SH3RF3: variants seen among roughly 807,000 people sequenced by gnomAD.
SH3RF3 encodes SH3 domain containing ring finger 3, also known as E3 ubiquitin-protein ligase SH3RF3.
In SH3RF3, 29 loss-of-function variants were observed where a neutral mutation model predicts 66.3. The observed-to-expected ratio is 0.44, with a 90% confidence interval of 0.33 to 0.60. The LOEUF (loss-of-function observed/expected upper bound fraction) is 0.60, where lower values mean the gene tolerates loss of function less well. SH3RF3 is among the 20% of genes least tolerant of loss of function. The probability of loss-of-function intolerance (pLI) is 0.04; values close to 1 mark genes in which losing one functional copy is unlikely to be tolerated. For synonymous variants in SH3RF3, 583 were observed against 532.0 expected (o/e 1.10, Z -1.32); for missense variants, 1,194 against 1,190.9 (o/e 1.00, Z -0.04).
At chr2:109,459,952 C>A (rs1161775475) in intron 8 of SH3RF3, among the ~76,000 whole-genome samples, 2 of 152,184 alleles carry the variant, frequency 1.3e-5, no homozygotes, top group Admixed American at 6.5e-5. Context: ...TCAGAGCATA[C>A]CCAGCCTTCT....
intron 6 of SH3RF3, among the ~76,000 whole-genome samples, chr2:109,435,559 G>A (rs1465957639): frequency 6.6e-6 from 1 of 152,186 alleles, no homozygotes; most frequent in African/African-American, 2.4e-5. Context: ...AAAACCTGGT[G>A]TGGGAGCAGG....
intron 1 of SH3RF3, among the ~76,000 whole-genome samples, chr2:109,197,004 C>T (rs1164189381): frequency 5.3e-5 from 8 of 152,210 alleles, no homozygotes; most frequent in African/African-American, 1.7e-4. Flanking sequence ...TCCCTTAGCC[C>T]TCACCATAGC....
intron 1 of SH3RF3, among the ~76,000 whole-genome samples, chr2:109,155,600 C>T (rs989198104): frequency 7.9e-5 from 12 of 152,100 alleles, no homozygotes; most frequent in African/African-American, 2.7e-4. Flanking sequence ...CGTGCCTGGC[C>T]GGATCTTTGT....
chr2:109,188,546 C>T (rs888228574), intron 1 of SH3RF3, among the ~76,000 whole-genome samples: 1 of 152,194 alleles, frequency 6.6e-6, no homozygotes, highest in Non-Finnish European at 1.5e-5. Flanking sequence ...GCGGCATCCC[C>T]CGTCATTGTG....
chr2:109,313,307 G>T (rs370818255), intron 1 of SH3RF3, among the ~76,000 whole-genome samples: 3 of 152,216 alleles, frequency 2.0e-5, no homozygotes, highest in Non-Finnish European at 2.9e-5. Flanking sequence ...CATCCCAAGG[G>T]GGGAGGCTGG....
intron 1 of SH3RF3, among the ~76,000 whole-genome samples, chr2:109,158,143 C>T (rs1172753360): frequency 6.6e-6 from 1 of 152,150 alleles, no homozygotes; most frequent in Non-Finnish European, 1.5e-5. Context: ...CAAGACAGGA[C>T]TGTGACCCAG....
At chr2:109,410,717 C>A (rs1361100437) in intron 4 of SH3RF3, among the ~76,000 whole-genome samples, 1 of 152,218 alleles carries the variant, frequency 6.6e-6, no homozygotes, top group East Asian at 1.9e-4. Context: ...TGGCAGGTAT[C>A]CATTATGGAG....
intron 1 of SH3RF3, among the ~76,000 whole-genome samples, chr2:109,274,724 A>G (rs1329397973): frequency 1.3e-5 from 2 of 152,208 alleles, no homozygotes; most frequent in Non-Finnish European, 2.9e-5. Context: ...GCTGCATAAC[A>G]TTGTGAATGT....
chr2:109,368,934 G>GGCCT (rs150673653), intron 2 of SH3RF3, among the ~76,000 whole-genome samples: 19,646 of 151,988 alleles, frequency 0.13, 1,398 homozygotes, highest in Middle Eastern at 0.24. Context: ...TCATGCCTTG[G>GGCCT]GCCTCTGCTG....
Position 109,129,987 on chromosome 2 carries a change from C to A in SH3RF3, c.447C>A (p.Leu149=). The A allele has an allele frequency of 7.7e-7, 1 of 1,297,988 alleles. No individual in the cohort carries two copies. The highest frequency in any genetic ancestry group is 2.4e-5 in the South Asian group (1 of 42,202). The allele number at this position is 1,297,988 out of a possible 1,614,324, so 80.4% of individuals were successfully genotyped here. A position where few individuals can be genotyped will look rare whatever the true frequency, so the allele number is the denominator to read the frequency against. Residue 149 remains leucine (L), a synonymous_variant, in exon 1 of 10, where the codon CTC becomes CTA. Transcript: ENST00000309415. Reference sequence around the variant, plus strand: ...CAGGCCAGAGTGCGGCCCCCACGCTCGCGGGCGGCGGGGGCGGCGCGGCAG... The same window carrying A: ...CAGGCCAGAGTGCGGCCCCCACGCTAGCGGGCGGCGGGGGCGGCGCGGCAG... The part of the protein sequence containing the change: ...PIPGQSAAPT[L]AGGGGGAAGS...
chr2:109,235,256 G>A (rs1015987526), intron 1 of SH3RF3, among the ~76,000 whole-genome samples: 1 of 152,172 alleles, frequency 6.6e-6, no homozygotes, highest in East Asian at 1.9e-4. Flanking sequence ...GTTCTGGGAG[G>A]ACTGGTTGGT....
At chr2:109,253,875 A>AT (rs1382606203) in intron 1 of SH3RF3, among the ~76,000 whole-genome samples, 4 of 152,072 alleles carry the variant, frequency 2.6e-5, no homozygotes, top group Non-Finnish European at 4.4e-5. Context: ...ATGTATGAGT[A>AT]TTTTTTCTTG....
chr2:109,355,391 GGACTAGGACTCTCT>G (rs1377364681), intron 2 of SH3RF3, among the ~76,000 whole-genome samples: 1 of 152,158 alleles, frequency 6.6e-6, no homozygotes, highest in Non-Finnish European at 1.5e-5. Context: ...AAGGGTTGGT[GGACTAGGACTCTCT>G]GACCAAATCC....
chr2:109,353,692 C>T (rs1682885844), intron 2 of SH3RF3, among the ~76,000 whole-genome samples: 1 of 151,102 alleles, frequency 6.6e-6, no homozygotes, highest in South Asian at 2.1e-4. Flanking sequence ...AGACTGCGTG[C>T]CCAATGCCAG....
intron 1 of SH3RF3, among the ~76,000 whole-genome samples, chr2:109,255,044 C>T (rs761226874): frequency 6.6e-6 from 1 of 152,180 alleles, no homozygotes; most frequent in East Asian, 1.9e-4. Flanking sequence ...CAACACTGTA[C>T]AAGCCTGCAG....
intron 3 of SH3RF3, among the ~76,000 whole-genome samples, chr2:109,373,121 C>T (rs1683309636): frequency 6.6e-6 from 1 of 151,810 alleles, no homozygotes; most frequent in East Asian, 1.9e-4. Context: ...GCAGATAATT[C>T]ACACACACAC....
Position 109,449,377 on chromosome 2 carries a change from A to C in SH3RF3, c.2036A>C (p.Asn679Thr). 6.2e-7 allele frequency: 1 copy of C among 1,610,712 alleles called. No homozygotes were observed. Among genetic ancestry groups the C allele is most frequent in the Non-Finnish European group, 8.5e-7 (1 of 1,178,338 alleles). ...TSAASAITPP[N>T]VSAANLNGEA... ...GCAGCATCAGCCATCACACCTCCCAACGTCAGTGCCGCAAACCTCAACGGG... is the reference window on the plus strand; with the variant it reads ...GCAGCATCAGCCATCACACCTCCCACCGTCAGTGCCGCAAACCTCAACGGG... Residue 679 changes from asparagine (N) to threonine (T), a missense_variant, in exon 8 of 10, where the codon AAC (asparagine) becomes ACC (threonine). By Grantham distance (65) the Asn-to-Thr change is moderately conservative (BLOSUM62 0). Coordinates refer to ENST00000309415, the MANE Select transcript of SH3RF3 (RefSeq NM_001099289.3).
chr2:109,291,830 A>G (rs1433848016), intron 1 of SH3RF3, among the ~76,000 whole-genome samples: 1 of 152,208 alleles, frequency 6.6e-6, no homozygotes, highest in Admixed American at 6.5e-5. Context: ...AAACTGAGCC[A>G]TATTTCATGC....
At chr2:109,468,128 G>A (rs112893492) in intron 8 of SH3RF3, among the ~76,000 whole-genome samples, 2,480 of 152,306 alleles carry the variant, frequency 0.016, 70 homozygotes, top group African/African-American at 0.057. Flanking sequence ...AAAACGCGTC[G>A]TTTGGTGATT....
Sources: gnomAD v4.1 joint callset for allele counts (sites outside exome capture counted in the v4.1 genomes callset) on GRCh38, gnomAD v4.1.1 for gene constraint, MANE v1.5 for transcripts, NCBI Gene and HGNC (gene_info 2026-07-23, HGNC 2026-07-21) for gene names.